Variants in DPF3 observed in about 807,000 individuals in gnomAD.
DPF3 encodes the protein double PHD fingers 3, also known as zinc finger protein DPF3.
DPF3 carries 18 observed loss-of-function variants against 56.8 expected under a neutral mutation model. That is an observed-to-expected ratio of 0.32 (90% CI 0.22 to 0.47). The LOEUF (loss-of-function observed/expected upper bound fraction) is 0.47. Among genes scored for constraint, DPF3 ranks in the 20% least tolerant of loss-of-function variants. The probability of loss-of-function intolerance (pLI) is 1.00; values close to 1 mark genes in which losing one functional copy is unlikely to be tolerated. For synonymous variants in DPF3, 188 were observed against 180.2 expected, an observed-to-expected ratio of 1.04 and a Z score of -0.35; for missense variants, 403 against 488.8, an observed-to-expected ratio of 0.82 and a Z score of 1.65.
intron 1 of DPF3, among the ~76,000 whole-genome samples, chr14:72,786,675 A>T (rs753832308): frequency 6.6e-6 from 1 of 152,226 alleles, no homozygotes; most frequent in Non-Finnish European, 1.5e-5. Context: ...AAAATAATAG[A>T]ATAGGAAACC....
chr14:72,892,120 G>A (rs1329909393), intron 1 of DPF3: 5 of 1,525,042 alleles, frequency 3.3e-6, no homozygotes, highest in Non-Finnish European at 4.4e-6. Context: ...GGTAACTAGG[G>A]TACGGCTTTC....
chr14:72,747,644 A>T lies in DPF3; in HGVS notation c.301+5620T>A, dbSNP rs552587280. The stretch of plus-strand genomic sequence containing the variant: ...TCTCTACAAAAAAAAAAAAAAAAAT[A>T]GCTAGGTGATATGGTTTGGCTCTGT... On this transcript the variant is annotated intron_variant, in intron 3 of 10. Coordinates refer to ENST00000556509, the MANE Select transcript of DPF3 (RefSeq NM_001280542.3). 8.7e-5 allele frequency among the ~76,000 whole-genome samples: 13 copies of T among 150,216 alleles called. 1 individual carries two copies. The South Asian group carries it at 1.9e-3, about 22-fold the overall frequency.
At chr14:72,789,193 T>C (rs1198711104) in intron 1 of DPF3, among the ~76,000 whole-genome samples, 2 of 152,118 alleles carry the variant, frequency 1.3e-5, no homozygotes, top group Non-Finnish European at 1.5e-5. Flanking sequence ...AGTAACAACA[T>C]CCAGATGGCC....
intron 6 of DPF3, among the ~76,000 whole-genome samples, chr14:72,708,168 C>T (rs1016902543): frequency 2.0e-5 from 3 of 152,056 alleles, no homozygotes; most frequent in African/African-American, 4.8e-5. Context: ...TGCCAAGATG[C>T]GAGCCCTGGA....
intron 2 of DPF3, among the ~76,000 whole-genome samples, chr14:72,763,141 G>C (rs183091703): frequency 6.6e-6 from 1 of 151,888 alleles, no homozygotes; most frequent in Non-Finnish European, 1.5e-5. Context: ...CATATTCATG[G>C]GTTGCAAGAC....
intron 1 of DPF3, among the ~76,000 whole-genome samples, chr14:72,819,385 A>C (rs1381814271): frequency 6.6e-6 from 1 of 152,208 alleles, no homozygotes; most frequent in African/African-American, 2.4e-5. Context: ...TATGTCAAAA[A>C]AGAGACATAC....
At chr14:72,688,940 G>A (rs531520570) in intron 7 of DPF3, among the ~76,000 whole-genome samples, 1 of 152,156 alleles carries the variant, frequency 6.6e-6, no homozygotes, top group African/African-American at 2.4e-5. Context: ...GAGAGGCAAG[G>A]GCACACAGGA....
At chr14:72,647,741 T>C (rs1434079774) in intron 8 of DPF3, among the ~76,000 whole-genome samples, 2 of 152,202 alleles carry the variant, frequency 1.3e-5, no homozygotes, top group African/African-American at 4.8e-5. Flanking sequence ...AGAACAAGCA[T>C]TACTTTTGAT....
At chr14:72,779,276 G>A (rs1179271934) in intron 1 of DPF3, among the ~76,000 whole-genome samples, 1 of 152,190 alleles carries the variant, frequency 6.6e-6, no homozygotes, top group African/African-American at 2.4e-5. Flanking sequence ...GAAAAACATT[G>A]AGAGAATGTC....
At chr14:72,815,207 A>G (rs1438720267) in intron 1 of DPF3, among the ~76,000 whole-genome samples, 1 of 152,164 alleles carries the variant, frequency 6.6e-6, no homozygotes, top group Non-Finnish European at 1.5e-5. Context: ...AAAGATACAG[A>G]TGGCCAAAAA....
At chr14:72,887,152 AAC>A (rs149200705) in intron 1 of DPF3, among the ~76,000 whole-genome samples, 42,749 of 137,424 alleles carry the variant, frequency 0.31, 6,372 homozygotes, top group African/African-American at 0.34. Context: ...TCTGCCTCCA[AAC>A]ACACACACAC....
intron 1 of DPF3, among the ~76,000 whole-genome samples, chr14:72,836,655 C>T (rs775535349): frequency 1.2e-4 from 18 of 152,026 alleles, no homozygotes; most frequent in Non-Finnish European, 2.1e-4. Context: ...TGGGAGCTCC[C>T]GCCCTTGTCT....
At chr14:72,864,868 C>T (rs1885601565) in intron 1 of DPF3, among the ~76,000 whole-genome samples, 1 of 152,220 alleles carries the variant, frequency 6.6e-6, no homozygotes, top group Non-Finnish European at 1.5e-5. Context: ...CACAATGTGG[C>T]CTGAATGGGA....
At chr14:72,755,619 C>G (rs1234372947) in intron 2 of DPF3, among the ~76,000 whole-genome samples, 1 of 152,176 alleles carries the variant, frequency 6.6e-6, no homozygotes, top group African/African-American at 2.4e-5. Flanking sequence ...ACAAAGATGA[C>G]AAATGTCAGT....
chr14:72,629,513 G>A (rs1885042014), intron 9 of DPF3, 111 bp downstream of exon 9: 1 of 1,044,518 alleles, frequency 9.6e-7, no homozygotes, highest in Non-Finnish European at 1.4e-6. Flanking sequence ...CCAAGTGCCA[G>A]GGTAACAGGC....
intron 1 of DPF3, among the ~76,000 whole-genome samples, chr14:72,849,487 G>T (rs376226696): frequency 6.6e-6 from 1 of 152,136 alleles, no homozygotes; most frequent in Non-Finnish European, 1.5e-5. Flanking sequence ...CCCCGGGGCC[G>T]CCTTCCTGCC....
At chr14:72,724,771 C>T (rs1889328452) in intron 4 of DPF3, among the ~76,000 whole-genome samples, 1 of 150,966 alleles carries the variant, frequency 6.6e-6, no homozygotes, top group Non-Finnish European at 1.5e-5. Flanking sequence ...TGCAGTGGCA[C>T]AATCACGGCT....
intron 1 of DPF3, among the ~76,000 whole-genome samples, chr14:72,787,539 T>C (rs1414385235): frequency 6.6e-6 from 1 of 152,116 alleles, no homozygotes. Context: ...ACCAGGAACA[T>C]AGAAAGGTTT....
At position 72,807,578 on chromosome 14, in the gene DPF3, G is replaced by A. The variant is rs116774879; in HGVS notation, c.33-35685C>T. The stretch of plus-strand genomic sequence containing the variant: ...GGTAAGCTGGGTACAGTTGGCTCAC[G>A]CCTGTAATCCCAGAACTTGGGGAGG... On this transcript the variant is annotated intron_variant, in intron 1 of 10. Transcript: ENST00000556509. Among the ~76,000 whole-genome samples, 840 of 152,276 alleles carry A rather than the reference G, an allele frequency of 5.5e-3. 8 individuals are homozygous for A. Among genetic ancestry groups the A allele is most frequent in the African/African-American group, 0.019 (797 of 41,548 alleles).
Sources: allele counts gnomAD v4.1 joint callset (sites outside exome capture counted in the v4.1 genomes callset), GRCh38; gene constraint gnomAD v4.1.1; transcripts MANE v1.5; gene names NCBI Gene and HGNC (gene_info 2026-07-23, HGNC 2026-07-21).